The following CYP4Z1 variants were observed in gnomAD, a reference collection of about 807,000 sequenced individuals.
CYP4Z1 encodes the protein cytochrome P450 4Z1.
A neutral mutation model predicts 54.2 loss-of-function variants in CYP4Z1; 41 were observed. That is an observed-to-expected ratio of 0.76 (90% confidence interval 0.59 to 0.98). The LOEUF is 0.98. CYP4Z1 is among the 50% of genes least tolerant of loss of function. The pLI is 0.00. For synonymous variants in CYP4Z1, 163 were observed against 206.2 expected (o/e 0.79, Z 1.79); for missense variants, 513 against 599.0 (o/e 0.86, Z 1.50).
In CYP4Z1 at chr1:47,091,775, C is replaced by T. The variant is rs377295280; in HGVS notation, c.773-2791C>T. Among the ~76,000 whole-genome samples the T allele has an allele frequency of 9.5e-3, 1,423 of 149,726 alleles. 84 individuals carry two copies. The highest frequency in any genetic ancestry group is 0.015 in the Non-Finnish European group (1,038 of 67,306). On this transcript the variant is annotated intron_variant, in intron 6 of 11. Transcript: ENST00000334194. ...TGGAGGCTTTTTTTTGCTAGTAGAG[C>T]TGTTATGACGATGGTTTGGAAACAC...
chr1:47,062,650 G>A (rs1644430046), upstream of CYP4Z1, among the ~76,000 whole-genome samples: 1 of 152,026 alleles, frequency 6.6e-6, no homozygotes, highest in Non-Finnish European at 1.5e-5. Context: ...CCATTGGACT[G>A]GGAACTACAC....
intron 2 of CYP4Z1, among the ~76,000 whole-genome samples, chr1:47,079,712 A>G (rs1644549978): frequency 6.6e-6 from 1 of 152,246 alleles, no homozygotes; most frequent in South Asian, 2.1e-4. Flanking sequence ...AATAGGGAAT[A>G]CACTTGTGCC....
chr1:47,116,603 G>A (rs377308300), intron 10 of CYP4Z1, 47 bp from the exon 11 acceptor site: 1 of 1,231,486 alleles, frequency 8.1e-7, no homozygotes, highest in African/African-American at 1.5e-5. Flanking sequence ...GTTTTTTGTG[G>A]GGGTGGGCTG....
At chr1:47,056,455 G>T in the CYP4Z1 span, among the ~76,000 whole-genome samples, 9 of 152,108 alleles carry the variant, frequency 5.9e-5, no homozygotes, top group African/African-American at 2.2e-4. Context: ...GCAGAGCTGA[G>T]TTCAATTCCT....
At chr1:47,089,888 G>A (rs535906238) in intron 6 of CYP4Z1, among the ~76,000 whole-genome samples, 532 of 150,524 alleles carry the variant, frequency 3.5e-3, no homozygotes, top group African/African-American at 0.013. Context: ...ATAAGTTCAG[G>A]CTTAGGCCAT....
Position 47,106,197 on chromosome 1 carries a change from A to G in CYP4Z1, c.1137A>G (p.Val379=), listed in dbSNP as rs774150195. The G allele has an allele frequency of 1.1e-5, 18 of 1,613,902 alleles. No individual in the cohort carries two copies. The highest frequency in any genetic ancestry group is 1.0e-4 in the Admixed American group (6 of 59,986). Residue 379 remains valine (V), a synonymous_variant, in exon 9 of 12, where the codon GTA becomes GTG. Coordinates refer to ENST00000334194, the MANE Select transcript of CYP4Z1 (RefSeq NM_178134.3). ...AATGCCTCCGCCTCTACGCACCGGT[A>G]GTAAACATATCCCGGTTACTCGACA... is the stretch of plus-strand genomic sequence containing the variant. ...IKECLRLYAP[V]VNISRLLDKP... is the part of the protein sequence containing the mutation.
At chr1:47,117,396 G>A (rs1158951721) in intron 11 of CYP4Z1, among the ~76,000 whole-genome samples, 3 of 152,042 alleles carry the variant, frequency 2.0e-5, no homozygotes, top group Non-Finnish European at 2.9e-5. Flanking sequence ...CTTTCTGATC[G>A]GGGCTTACTT....
chr1:47,085,161 A>C (rs1644583377), intron 6 of CYP4Z1, among the ~76,000 whole-genome samples, 183 bp downstream of exon 6: 1 of 152,196 alleles, frequency 6.6e-6, no homozygotes, highest in Non-Finnish European at 1.5e-5. Context: ...TATATTATTG[A>C]CTATATATAG....
At chr1:47,100,977 A>G (rs1644717271) in intron 8 of CYP4Z1, among the ~76,000 whole-genome samples, 2 of 152,182 alleles carry the variant, frequency 1.3e-5, no homozygotes, top group Non-Finnish European at 2.9e-5. Context: ...TTCCCAGTTC[A>G]GTCTGGGTAG....
At position 47,112,886 on chromosome 1, in the gene CYP4Z1, C is replaced by T. The variant is rs549737127; in HGVS notation, c.1202-2643C>T. 5.9e-5 allele frequency among the ~76,000 whole-genome samples: 9 copies of T among 152,034 alleles called. No homozygotes were observed. The South Asian group carries it at 1.7e-3, about 28-fold the overall frequency. ...AAACCCATATCATCTCCACCCTGAT[C>T]AATGGATATTCCATAACATGATAAA... is the stretch of plus-strand genomic sequence containing the variant. On this transcript the variant is annotated intron_variant, in intron 9 of 11. Transcript: ENST00000334194.
At chr1:47,076,374 T>G (rs867036506) in intron 2 of CYP4Z1, among the ~76,000 whole-genome samples, 33 of 150,874 alleles carry the variant, frequency 2.2e-4, no homozygotes, top group Admixed American at 6.6e-4. Flanking sequence ...AAGTGTACAG[T>G]TAGGTTATTG....
chr1:47,086,906 A>G (rs1287875297), intron 6 of CYP4Z1, among the ~76,000 whole-genome samples: 2 of 152,178 alleles, frequency 1.3e-5, no homozygotes, highest in Non-Finnish European at 2.9e-5. Flanking sequence ...TCAGCTTTCT[A>G]CATATGGCTA....
At chr1:47,113,663 A>G (rs577892358) in intron 9 of CYP4Z1, among the ~76,000 whole-genome samples, 1 of 152,334 alleles carries the variant, frequency 6.6e-6, no homozygotes, top group Admixed American at 6.5e-5. Flanking sequence ...AGGCAAACAG[A>G]GAGCCAAATC....
At chr1:47,102,340 C>A (rs1210433235) in intron 8 of CYP4Z1, among the ~76,000 whole-genome samples, 1 of 151,946 alleles carries the variant, frequency 6.6e-6, no homozygotes, top group African/African-American at 2.4e-5. Context: ...TTTCTTTCTC[C>A]CATCATTTAG....
chr1:47,063,741 T>C (rs1644435524), upstream of CYP4Z1, among the ~76,000 whole-genome samples: 1 of 152,088 alleles, frequency 6.6e-6, no homozygotes, highest in African/African-American at 2.4e-5. Flanking sequence ...AATTTGGGAC[T>C]ACGTTATATG....
chr1:47,107,146 G>A (rs1644762660), intron 9 of CYP4Z1, among the ~76,000 whole-genome samples: 1 of 152,200 alleles, frequency 6.6e-6, no homozygotes, highest in African/African-American at 2.4e-5. Context: ...TAGGGACTAA[G>A]CATTGTTCCA....
chr1:47,095,944 A>G (rs1644673534), intron 7 of CYP4Z1, among the ~76,000 whole-genome samples: 1 of 152,106 alleles, frequency 6.6e-6, no homozygotes, highest in South Asian at 2.1e-4. Context: ...ATAAATAGAT[A>G]CTCTGTGAGG....
At chr1:47,065,812 TC>T, upstream of CYP4Z1, among the ~76,000 whole-genome samples, 1 of 151,820 alleles carries the variant, frequency 6.6e-6, no homozygotes, top group Non-Finnish European at 1.5e-5. Context: ...AGAGAGAAGA[TC>T]CAAATAAACT....
chr1:47,116,574 CGTTTTTGTTTTT>C (rs925836180), intron 10 of CYP4Z1, 64 bp from the exon 11 acceptor site: 50 of 590,848 alleles, frequency 8.5e-5, no homozygotes, highest in South Asian at 2.2e-4. Context: ...CTATGGATTT[CGTTTTTGTTTTT>C]GTTTTTGTTT....
Sources: allele counts gnomAD v4.1 joint callset (sites outside exome capture counted in the v4.1 genomes callset), GRCh38; gene constraint gnomAD v4.1.1; transcripts MANE v1.5; gene names NCBI Gene and HGNC (gene_info 2026-07-23, HGNC 2026-07-21).